Variants in CDKAL1 observed in about 807,000 individuals in gnomAD.
CDKAL1 encodes the protein CDKAL1 threonylcarbamoyladenosine tRNA methylthiotransferase.
In CDKAL1, 32 loss-of-function variants were observed where a neutral mutation model predicts 68.2. The ratio of observed to expected loss-of-function variants is 0.47; its 90% CI spans 0.35 to 0.63. The LOEUF is 0.63. Ranked by LOEUF, CDKAL1 falls within the 30% of genes least tolerant of loss-of-function variation. The pLI is 0.00. For synonymous variants in CDKAL1, 234 were observed against 244.3 expected (o/e 0.96, Z 0.39); for missense variants, 606 against 696.7 (o/e 0.87, Z 1.47).
intron 13 of CDKAL1, among the ~76,000 whole-genome samples, chr6:21,113,402 T>A (rs1265283764): frequency 6.6e-6 from 1 of 152,034 alleles, no homozygotes; most frequent in Non-Finnish European, 1.5e-5. Flanking sequence ...ATCTCAGCAC[T>A]TTGGGAGGCC....
intron 15 of CDKAL1, among the ~76,000 whole-genome samples, chr6:21,205,023 A>G (rs1253574612): frequency 6.6e-6 from 1 of 152,146 alleles, no homozygotes; most frequent in African/African-American, 2.4e-5. Flanking sequence ...TTGGTACCTC[A>G]TATCAGTGGA....
chr6:20,802,312 C>CAATAATAAT (rs1349564349), intron 8 of CDKAL1, among the ~76,000 whole-genome samples: 1,051 of 99,644 alleles, frequency 0.011, 6 homozygotes, highest in Middle Eastern at 0.015. Context: ...ACAACAACAA[C>CAATAATAAT]AACAATAATA....
chr6:20,541,528 A>G (rs949312735), intron 2 of CDKAL1, among the ~76,000 whole-genome samples: 1 of 152,180 alleles, frequency 6.6e-6, no homozygotes, highest in Non-Finnish European at 1.5e-5. Flanking sequence ...GAATCCTCAC[A>G]GTGATTCTTA....
intron 6 of CDKAL1, among the ~76,000 whole-genome samples, chr6:20,746,081 C>G (rs1773653957): frequency 6.6e-6 from 1 of 152,088 alleles, no homozygotes; most frequent in African/African-American, 2.4e-5. Context: ...CTCCTTTACC[C>G]CTCCCCGCTA....
At chr6:21,073,301 T>C (rs1158395787) in intron 12 of CDKAL1, among the ~76,000 whole-genome samples, 1 of 152,206 alleles carries the variant, frequency 6.6e-6, no homozygotes, top group African/African-American at 2.4e-5. Flanking sequence ...TGCAGGTTTT[T>C]TTGTGGACCT....
At chr6:20,987,158 T>C (rs1581970028) in intron 10 of CDKAL1, among the ~76,000 whole-genome samples, 1 of 152,206 alleles carries the variant, frequency 6.6e-6, no homozygotes, top group East Asian at 1.9e-4. Context: ...GAAATCAAGA[T>C]GCCTTAAGTT....
chr6:21,167,387 G>T (rs888749209), intron 13 of CDKAL1, among the ~76,000 whole-genome samples: 1 of 152,132 alleles, frequency 6.6e-6, no homozygotes, highest in Non-Finnish European at 1.5e-5. Flanking sequence ...ACTATGGCAG[G>T]ACTGTTTTAT....
intron 13 of CDKAL1, among the ~76,000 whole-genome samples, chr6:21,110,401 A>G (rs550853096): frequency 5.9e-5 from 9 of 152,310 alleles, no homozygotes; most frequent in African/African-American, 1.9e-4. Flanking sequence ...TATTTTCCCA[A>G]TCTGAGAATG....
At chr6:20,554,632 A>G (rs1763964507) in intron 4 of CDKAL1, among the ~76,000 whole-genome samples, 1 of 152,206 alleles carries the variant, frequency 6.6e-6, no homozygotes, top group South Asian at 2.1e-4. Context: ...TGTGATTCTT[A>G]CACGTTTTTG....
At chr6:21,060,217 G>A in intron 11 of CDKAL1, among the ~76,000 whole-genome samples, 1 of 152,112 alleles carries the variant, frequency 6.6e-6, no homozygotes, top group Admixed American at 6.5e-5. Flanking sequence ...TAAATTACAA[G>A]TTTTTGTAAT....
intron 13 of CDKAL1, among the ~76,000 whole-genome samples, chr6:21,178,832 G>T (rs79285012): frequency 6.6e-6 from 1 of 152,324 alleles, no homozygotes; most frequent in East Asian, 1.9e-4. Context: ...ACTTACCTAA[G>T]CACAGGAGGG....
chr6:21,088,783 A>G (rs180910776), intron 12 of CDKAL1, among the ~76,000 whole-genome samples: 17 of 152,250 alleles, frequency 1.1e-4, no homozygotes, highest in Admixed American at 5.9e-4. Flanking sequence ...CTCTACTAAA[A>G]ATACAAAAAT....
chr6:20,582,098 A>G (rs1183558391), intron 4 of CDKAL1, among the ~76,000 whole-genome samples: 1 of 152,226 alleles, frequency 6.6e-6, no homozygotes, highest in African/African-American at 2.4e-5. Context: ...TTAATTGTTT[A>G]TAAGACATTT....
At chr6:20,885,646 T>C (rs1041719210) in intron 9 of CDKAL1, among the ~76,000 whole-genome samples, 1 of 152,024 alleles carries the variant, frequency 6.6e-6, no homozygotes, top group Admixed American at 6.6e-5. Flanking sequence ...AAAGAAAAAA[T>C]AGATAAATTT....
At chr6:20,816,640 C>T (rs1455285794) in intron 8 of CDKAL1, among the ~76,000 whole-genome samples, 1 of 151,896 alleles carries the variant, frequency 6.6e-6, no homozygotes, top group African/African-American at 2.4e-5. Flanking sequence ...TGTTTTCAGA[C>T]CCAAATTGTG....
At chr6:20,609,264 C>CTTCCTCCTT (rs1554162612) in intron 4 of CDKAL1, among the ~76,000 whole-genome samples, 268 of 79,996 alleles carry the variant, frequency 3.4e-3, no homozygotes, top group Admixed American at 5.3e-3. Context: ...CTCCTTCCTT[C>CTTCCTCCTT]CTCCTCCTTC....
At chr6:21,024,435 CCCAGGAACTCAAGA>C (rs1226152626) in intron 11 of CDKAL1, among the ~76,000 whole-genome samples, 1 of 151,910 alleles carries the variant, frequency 6.6e-6, no homozygotes, top group East Asian at 1.9e-4. Context: ...ATTGCTTGAG[CCCAGGAACTCAAGA>C]CCAGCCTGGG....
At chr6:20,610,022 T>G (rs902282879) in intron 4 of CDKAL1, among the ~76,000 whole-genome samples, 1 of 152,148 alleles carries the variant, frequency 6.6e-6, no homozygotes, top group African/African-American at 2.4e-5. Flanking sequence ...TAAGAGAACA[T>G]GCAGTATTTG....
intron 12 of CDKAL1, among the ~76,000 whole-genome samples, chr6:21,087,976 G>GGTTTTATATGT (rs1422521616): frequency 1.3e-5 from 2 of 152,116 alleles, no homozygotes; most frequent in Non-Finnish European, 2.9e-5. Flanking sequence ...TACAGGATGG[G>GGTTTTATATGT]ACGGGACAGG....
Sources: allele counts gnomAD v4.1 joint callset (sites outside exome capture counted in the v4.1 genomes callset), GRCh38; gene constraint gnomAD v4.1.1; transcripts MANE v1.5; gene names NCBI Gene and HGNC (gene_info 2026-07-23, HGNC 2026-07-21).